The following OR51B5 variants were observed in gnomAD, a reference collection of about 807,000 sequenced individuals.
OR51B5 encodes olfactory receptor family 51 subfamily B member 5, also known as olfactory receptor 51B5.
For missense variants in OR51B5, 456 were observed against 374.6 expected, an observed-to-expected ratio of 1.22 and a Z score of -1.79; for synonymous variants, 186 against 144.8, an observed-to-expected ratio of 1.28 and a Z score of -2.04.
chr11:5,441,632 T>C (rs1850691046), intron 1 of OR51B5: 4 of 750,330 alleles, frequency 5.3e-6, no homozygotes, highest in African/African-American at 1.8e-5. Flanking sequence ...TTGCCTGTAT[T>C]CCTGCCTTCC....
exon 1 of OR51B5, chr11:5,343,334 A>G: frequency 1.2e-6 from 2 of 1,608,576 alleles, no homozygotes; most frequent in Non-Finnish European, 1.7e-6. Flanking sequence ...TGTGGCAGCC[A>G]GCATGGCCAG....
chr11:5,351,634 C>T lies in OR51B5; in HGVS notation n.85-4724G>A, dbSNP rs753261090. The T allele has an allele frequency of 3.7e-6, 6 of 1,614,090 alleles. No individual in the cohort carries two copies. The South Asian group carries it at 6.6e-5, about 18-fold the overall frequency. On this transcript the variant is annotated intron_variant and non_coding_transcript_variant, in intron 1 of 4. Transcript: ENST00000415970. ...CTCCATACTTCTTGGCAATGGCACTCTTCTCTTTCTCATCAGGAATGATCA... is the reference window on the plus strand; with the variant it reads ...CTCCATACTTCTTGGCAATGGCACTTTTCTCTTTCTCATCAGGAATGATCA...
At chr11:5,353,171 C>G (rs1849130635) in intron 1 of OR51B5, among the ~76,000 whole-genome samples, 1 of 151,968 alleles carries the variant, frequency 6.6e-6, no homozygotes, top group Non-Finnish European at 1.5e-5. Flanking sequence ...TGAGGGTAAA[C>G]CATTTCCCTC....
At chr11:5,412,686 T>C (rs941740255) in intron 1 of OR51B5, among the ~76,000 whole-genome samples, 2 of 152,268 alleles carry the variant, frequency 1.3e-5, no homozygotes, top group African/African-American at 4.8e-5. Flanking sequence ...GTCTCGCTGA[T>C]TCCTAGCACA....
rs180765867 is a variant in OR51B5 at position 5,408,975 on chromosome 11, C to T, written n.85-62065G>A. Among the ~76,000 whole-genome samples the T allele has an allele frequency of 7.9e-5, 12 of 152,098 alleles. No homozygotes were observed. The East Asian group carries it at 2.3e-3, about 29-fold the overall frequency. ...TCCAAATGTTGTGCATTCTTCATCA[C>T]TAAAAGTAATAAACCCAACTTGTTG... On this transcript the variant is annotated intron_variant and non_coding_transcript_variant, in intron 1 of 4. Coordinates refer to the OR51B5 transcript ENST00000415970.
In OR51B5 at chr11:5,501,522, C is replaced by T. The variant is rs990612425; in HGVS notation, n.84+4047G>A. On this transcript the variant is annotated intron_variant and non_coding_transcript_variant, in intron 1 of 4. Transcript: ENST00000415970. ...TGCCTGTTTCCTTGACTTCCTCTTGCTGATAATTTTCCTCTTGTCTAAGAA... is the reference window on the plus strand; with the variant it reads ...TGCCTGTTTCCTTGACTTCCTCTTGTTGATAATTTTCCTCTTGTCTAAGAA... Among the ~76,000 whole-genome samples the T allele has an allele frequency of 3.1e-4, 46 of 147,726 alleles. 6 individuals are homozygous for T. The highest frequency in any genetic ancestry group is 2.1e-3 in the Admixed American group (30 of 14,178).
chr11:5,453,439 C>A, intron 1 of OR51B5: 1 of 1,366,416 alleles, frequency 7.3e-7, no homozygotes. Flanking sequence ...TGTTAGAATT[C>A]TCCAAGTCAG....
At chr11:5,417,388 C>T (rs1228921882) in intron 1 of OR51B5, among the ~76,000 whole-genome samples, 1 of 152,088 alleles carries the variant, frequency 6.6e-6, no homozygotes, top group Non-Finnish European at 1.5e-5. Context: ...AGGTCTAAAA[C>T]ACCAAAAGCA....
intron 1 of OR51B5, chr11:5,455,207 T>A (rs953037394): frequency 6.6e-6 from 1 of 152,154 alleles, no homozygotes; most frequent in Non-Finnish European, 1.5e-5. Context: ...ATCTGAAATA[T>A]CTGACTCATA....
intron 1 of OR51B5, among the ~76,000 whole-genome samples, chr11:5,437,213 C>A (rs1057090862): frequency 2.3e-4 from 35 of 152,140 alleles, no homozygotes; most frequent in Admixed American, 5.9e-4. Flanking sequence ...CATAGCAACA[C>A]CCCCCACAGT....
At chr11:5,473,169 C>T (rs1232600472) in intron 1 of OR51B5, among the ~76,000 whole-genome samples, 4 of 152,132 alleles carry the variant, frequency 2.6e-5, no homozygotes, top group African/African-American at 9.7e-5. Context: ...ATTGTAAACA[C>T]TTATTAAACA....
intron 1 of OR51B5, among the ~76,000 whole-genome samples, chr11:5,475,014 G>T (rs1329291124): frequency 6.6e-6 from 1 of 152,110 alleles, no homozygotes; most frequent in Non-Finnish European, 1.5e-5. Flanking sequence ...CAATAAATAG[G>T]TGTTTGACTT....
chr11:5,389,783 A>G (rs773519529), intron 1 of OR51B5: 10 of 1,613,834 alleles, frequency 6.2e-6, no homozygotes, highest in Non-Finnish European at 8.5e-6. Flanking sequence ...AGTGCTCCTC[A>G]TGATGTCCTT....
chr11:5,351,675 C>A, intron 1 of OR51B5: 2 of 1,614,116 alleles, frequency 1.2e-6, no homozygotes, highest in Non-Finnish European at 1.7e-6. Context: ...TCCATGAGCC[C>A]ATGTACTATT....
At chr11:5,373,118 C>G (rs1197205484) in intron 1 of OR51B5, among the ~76,000 whole-genome samples, 6 of 152,038 alleles carry the variant, frequency 3.9e-5, no homozygotes, top group African/African-American at 1.4e-4. Context: ...TATCCAAATG[C>G]AAAAGAATAA....
At chr11:5,461,123 G>A (rs1851043309) in intron 1 of OR51B5, among the ~76,000 whole-genome samples, 1 of 152,194 alleles carries the variant, frequency 6.6e-6, no homozygotes, top group African/African-American at 2.4e-5. Flanking sequence ...TGCACAAGCG[G>A]ATCACCCACT....
intron 1 of OR51B5, among the ~76,000 whole-genome samples, chr11:5,406,591 T>A (rs1470770675): frequency 6.6e-6 from 1 of 152,192 alleles, no homozygotes; most frequent in Non-Finnish European, 1.5e-5. Flanking sequence ...CAGCTAAGCA[T>A]GGAGCTAAAT....
chr11:5,367,873 C>T (rs1039882847), intron 1 of OR51B5, among the ~76,000 whole-genome samples: 1 of 152,132 alleles, frequency 6.6e-6, no homozygotes, highest in South Asian at 2.1e-4. Flanking sequence ...CTTGTGCTTT[C>T]TGCCTATATC....
At chr11:5,391,095 A>T (rs914053829) in intron 1 of OR51B5, 9 of 152,218 alleles carry the variant, frequency 5.9e-5, no homozygotes, top group African/African-American at 2.2e-4. Flanking sequence ...TAGTTGTGTG[A>T]TATTGAACAA....
Sources: allele counts gnomAD v4.1 joint callset (sites outside exome capture counted in the v4.1 genomes callset), GRCh38; gene constraint gnomAD v4.1.1; transcripts MANE v1.5; gene names NCBI Gene and HGNC (gene_info 2026-07-23, HGNC 2026-07-21).